CCDC30: variants seen among roughly 807,000 people sequenced by gnomAD.
CCDC30 encodes coiled-coil domain containing 30, also known as coiled-coil domain-containing protein 30.
Under a neutral mutation model 100.2 loss-of-function variants are expected in CCDC30, and 70 were observed. That is an observed-to-expected ratio of 0.70 (90% confidence interval 0.58 to 0.85). The LOEUF (loss-of-function observed/expected upper bound fraction) is 0.85. Ranked by LOEUF, CCDC30 falls within the 40% of genes least tolerant of loss-of-function variation. The pLI, the probability that CCDC30 is intolerant of heterozygous loss-of-function variation, is 0.00. For missense variants in CCDC30, 652 were observed against 771.2 expected (o/e 0.85, Z 1.83); for synonymous variants, 233 against 269.5 (o/e 0.86, Z 1.33).
At chr1:42,628,556 G>A (rs1468354622) in intron 11 of CCDC30, among the ~76,000 whole-genome samples, 1 of 152,136 alleles carries the variant, frequency 6.6e-6, no homozygotes, top group African/African-American at 2.4e-5. Context: ...CCCACATGTT[G>A]TGCAAGGGAC....
chr1:42,478,801 C>A (rs551525480), intron 1 of CCDC30, among the ~76,000 whole-genome samples: 12 of 151,906 alleles, frequency 7.9e-5, no homozygotes, highest in African/African-American at 1.7e-4. Context: ...CTGCGCCCCC[C>A]CAAGATACCC....
intron 10 of CCDC30, among the ~76,000 whole-genome samples, chr1:42,602,243 G>A (rs1646418287): frequency 6.6e-6 from 1 of 151,524 alleles, no homozygotes; most frequent in Non-Finnish European, 1.5e-5. Flanking sequence ...AAAAATTACA[G>A]GAGAAATCAA....
chr1:42,610,550 T>G (rs113394413), intron 10 of CCDC30, among the ~76,000 whole-genome samples: 1 of 151,986 alleles, frequency 6.6e-6, no homozygotes, highest in Non-Finnish European at 1.5e-5. Flanking sequence ...CAGCCTCCCA[T>G]GTAGCTGGGA....
intron 10 of CCDC30, among the ~76,000 whole-genome samples, chr1:42,608,622 G>A (rs1481069673): frequency 1.3e-5 from 2 of 150,876 alleles, no homozygotes; most frequent in East Asian, 2.0e-4. Flanking sequence ...GGAGAATGGC[G>A]TGAACCCGGG....
chr1:42,493,449 G>A (rs1184328092), intron 4 of CCDC30, among the ~76,000 whole-genome samples: 4 of 152,076 alleles, frequency 2.6e-5, no homozygotes, highest in African/African-American at 7.2e-5. Flanking sequence ...TTAGCTGGGT[G>A]TGGTGGCGCA....
chr1:42,500,667 C>T (rs1372628403), intron 6 of CCDC30, among the ~76,000 whole-genome samples: 1 of 152,194 alleles, frequency 6.6e-6, no homozygotes, highest in Non-Finnish European at 1.5e-5. Flanking sequence ...CCCGCCTCAG[C>T]CTCCCAAAGT....
At chr1:42,615,513 G>A (rs1343313042) in intron 11 of CCDC30, among the ~76,000 whole-genome samples, 1 of 152,066 alleles carries the variant, frequency 6.6e-6, no homozygotes, top group Non-Finnish European at 1.5e-5. Flanking sequence ...TGGCTAGGCT[G>A]GTCTTGAGCT....
At chr1:42,607,409 T>C (rs1398132532) in intron 10 of CCDC30, among the ~76,000 whole-genome samples, 1 of 151,910 alleles carries the variant, frequency 6.6e-6, no homozygotes, top group Non-Finnish European at 1.5e-5. Context: ...GCAGGTGAGT[T>C]CCCAGATGCC....
intron 1 of CCDC30, among the ~76,000 whole-genome samples, chr1:42,467,106 A>G (rs1217083992): frequency 6.6e-6 from 1 of 152,224 alleles, no homozygotes; most frequent in Non-Finnish European, 1.5e-5. Flanking sequence ...GTATACTGAC[A>G]TGAATGGCTA....
At chr1:42,536,601 G>C (rs376006908) in intron 6 of CCDC30, 2 of 1,582,748 alleles carry the variant, frequency 1.3e-6, no homozygotes, top group African/African-American at 2.7e-5. Flanking sequence ...TTGAAAGTGA[G>C]GTATTACCAT....
intron 6 of CCDC30, among the ~76,000 whole-genome samples, chr1:42,541,821 A>T (rs1262914036): frequency 6.6e-6 from 1 of 152,230 alleles, no homozygotes; most frequent in Non-Finnish European, 1.5e-5. Flanking sequence ...AAGAAGCTGT[A>T]TGTATTTGCT....
upstream of CCDC30, among the ~76,000 whole-genome samples, chr1:42,462,768 G>C (rs778134285): frequency 2.0e-5 from 3 of 152,190 alleles, no homozygotes; most frequent in Non-Finnish European, 4.4e-5. Context: ...CAGTGCTTAG[G>C]ACTTCTAAAG....
At position 42,498,730 on chromosome 1, in the gene CCDC30, T is replaced by C. The variant is rs1382725056; in HGVS notation, c.358-88T>C. 7.5e-6 allele frequency: 4 copies of C among 532,436 alleles called. No individual in the cohort carries two copies. In the Admixed American group the frequency reaches 1.8e-4, roughly 23 times the overall value. The allele number at this position is 532,436 out of a possible 1,614,324, so 33.0% of individuals were successfully genotyped here. ...AAGATTTACAAGGAGAATGTATTTATATATTACTTGTATAATTAAAAAACA... is the reference window on the plus strand; with the variant it reads ...AAGATTTACAAGGAGAATGTATTTACATATTACTTGTATAATTAAAAAACA... On this transcript the variant is annotated intron_variant, in intron 5 of 16. Coordinates refer to ENST00000668663, the Ensembl canonical transcript of CCDC30.
chr1:42,656,030 C>G (rs1399933971), downstream of CCDC30, among the ~76,000 whole-genome samples: 2 of 151,786 alleles, frequency 1.3e-5, no homozygotes, highest in Non-Finnish European at 2.9e-5. Flanking sequence ...ATGCCTGGCT[C>G]ATTTTTGTAC....
upstream of CCDC30, among the ~76,000 whole-genome samples, chr1:42,459,010 A>C (rs1210723672): frequency 2.6e-5 from 4 of 152,354 alleles, no homozygotes; most frequent in East Asian, 7.7e-4. Context: ...GGTTTGGTTC[A>C]AAAATAAAGG....
chr1:42,599,135 T>G (rs1646351492), intron 10 of CCDC30, among the ~76,000 whole-genome samples: 1 of 152,206 alleles, frequency 6.6e-6, no homozygotes, highest in Non-Finnish European at 1.5e-5. Context: ...GATAAGTTGT[T>G]CAGCATAATA....
At chr1:42,474,188 G>A (rs368233075) in intron 1 of CCDC30, among the ~76,000 whole-genome samples, 9 of 152,290 alleles carry the variant, frequency 5.9e-5, no homozygotes, top group African/African-American at 1.9e-4. Context: ...AGAATGAAAA[G>A]CAGTATAGCA....
At chr1:42,555,023 A>G (rs16829690) in intron 6 of CCDC30, among the ~76,000 whole-genome samples, 1,847 of 152,258 alleles carry the variant, frequency 0.012, 32 homozygotes, top group African/African-American at 0.041. Context: ...AATCCAGGTC[A>G]TGATGATTCC....
At chr1:42,642,385 T>A in intron 12 of CCDC30, 88 bp from the exon 17 acceptor site, 1 of 1,227,492 alleles carries the variant, frequency 8.1e-7, no homozygotes, top group Non-Finnish European at 1.1e-6. Context: ...TAAGGGAAAA[T>A]TTCTGCTAGA....
Sources: gnomAD v4.1 joint callset for allele counts (sites outside exome capture counted in the v4.1 genomes callset) on GRCh38, gnomAD v4.1.1 for gene constraint, MANE v1.5 for transcripts, NCBI Gene and HGNC (gene_info 2026-07-23, HGNC 2026-07-21) for gene names.